Variants in POLH observed in about 807,000 individuals in gnomAD.
POLH encodes DNA polymerase eta.
Under a neutral mutation model 73.6 loss-of-function variants are expected in POLH, and 53 were observed. The ratio of observed to expected loss-of-function variants is 0.72; its 90% CI spans 0.58 to 0.91. POLH has a LOEUF of 0.91. POLH is among the 40% of genes least tolerant of loss of function. POLH has a pLI of 0.00. For missense variants in POLH, 768 were observed against 865.4 expected, an observed-to-expected ratio of 0.89 and a Z score of 1.41; for synonymous variants, 292 against 308.5, an observed-to-expected ratio of 0.95 and a Z score of 0.56.
chr6:43,597,928 C>T lies in POLH; in HGVS notation c.660+63C>T, dbSNP rs577721367. The stretch of plus-strand genomic sequence containing the variant: ...TATCCTTAGTCAAATACAGTAGGGA[C>T]AGTGGGACATTGAAATTATTACACA... On this transcript the variant is annotated intron_variant, in intron 5 of 10. Transcript: ENST00000372236. 49 of 1,388,238 alleles carry T rather than the reference C, an allele frequency of 3.5e-5. No individual in the cohort carries two copies. The South Asian group carries it at 5.4e-4, about 15-fold the overall frequency. The allele number at this position is 1,388,238 out of a possible 1,614,324, so 86.0% of individuals were successfully genotyped here. A position where few individuals can be genotyped will look rare whatever the true frequency, so the allele number is the denominator to read the frequency against.
chr6:43,592,616 C>T (rs761774212), intron 4 of POLH, among the ~76,000 whole-genome samples: 13 of 152,016 alleles, frequency 8.6e-5, no homozygotes, highest in Admixed American at 2.0e-4. Flanking sequence ...GGGGTTTCAC[C>T]GTGTTAGCCA....
chr6:43,605,817 A>C (rs1314040906), intron 9 of POLH, among the ~76,000 whole-genome samples: 3 of 151,942 alleles, frequency 2.0e-5, no homozygotes, highest in Admixed American at 6.6e-5. Context: ...CTCTGGGTTC[A>C]AGTGATTCTC....
In POLH at chr6:43,613,777, G is replaced by A; in HGVS notation, c.1362G>A (p.Val454=). 6.2e-7 allele frequency: 1 copy of A among 1,613,832 alleles called. No individual in the cohort carries two copies. Among genetic ancestry groups the A allele is most frequent in the East Asian group, 2.2e-5 (1 of 44,886 alleles). The part of the protein sequence containing the change: ...LSSDPSSLPK[V]PVTSSEAKTQ... ...GTGACCCAAGTTCTCTGCCAAAGGT[G>A]CCAGTTACCAGCTCAGAAGCTAAGA... The change falls in exon 11 of 11, where the codon GTG becomes GTA. Residue 454 remains valine, a synonymous_variant. Transcript: ENST00000372236.
At position 43,617,651 on chromosome 6, in the gene POLH, C is replaced by T. The variant is rs1211265258; in HGVS notation, c.*3094C>T. On this transcript the variant is annotated 3_prime_UTR_variant, in exon 11 of 11. Coordinates refer to ENST00000372236, the MANE Select transcript of POLH (RefSeq NM_006502.3). ...AAAAAAAAAAATTCCCAATGTGGGC[C>T]GGGTGCAGTGGCTCATGCCTGTAAT... Among the ~76,000 whole-genome samples, 4 of 151,752 alleles carry T rather than the reference C, an allele frequency of 2.6e-5. No homozygotes were observed. Among genetic ancestry groups the T allele is most frequent in the African/African-American group, 9.7e-5 (4 of 41,316 alleles).
chr6:43,611,610 TGA>T (rs1050839361), intron 10 of POLH, among the ~76,000 whole-genome samples: 3 of 152,154 alleles, frequency 2.0e-5, no homozygotes, highest in South Asian at 2.1e-4. Context: ...AATATAATTA[TGA>T]GAGAGAGGTA....
chr6:43,604,078 C>A, intron 7 of POLH, 67 bp downstream of exon 7: 1 of 1,302,512 alleles, frequency 7.7e-7, no homozygotes, highest in Non-Finnish European at 1.1e-6. Context: ...ATAGACAAAA[C>A]CATCTAGTAA....
chr6:43,581,560 G>T (rs1385021792), intron 1 of POLH, among the ~76,000 whole-genome samples: 5 of 150,530 alleles, frequency 3.3e-5, no homozygotes, highest in Non-Finnish European at 5.9e-5. Flanking sequence ...CCTTGCCCTC[G>T]GGCCCGCGGG....
chr6:43,619,577 G>C lies in POLH; in HGVS notation c.*5020G>C, dbSNP rs1326871134. Among the ~76,000 whole-genome samples, 1 of 151,928 alleles carries C rather than the reference G, an allele frequency of 6.6e-6. No homozygotes were observed. Among genetic ancestry groups the C allele is most frequent in the Admixed American group, 6.6e-5 (1 of 15,244 alleles). On this transcript the variant is annotated 3_prime_UTR_variant, in exon 11 of 11. Coordinates refer to ENST00000372236, the MANE Select transcript of POLH (RefSeq NM_006502.3). ...ATCATAAACATGTATAAACTCCTTGGGAGTCTGCCTTATATACTTTTTATC... is the reference window on the plus strand; with the variant it reads ...ATCATAAACATGTATAAACTCCTTGCGAGTCTGCCTTATATACTTTTTATC...
intron 4 of POLH, among the ~76,000 whole-genome samples, chr6:43,591,962 C>A (rs975819661): frequency 5.3e-5 from 8 of 152,120 alleles, no homozygotes; most frequent in Admixed American, 4.6e-4. Context: ...GGACGTGTTC[C>A]TCTTTCTTCT....
rs1391759963 is a variant in POLH at position 43,617,311 on chromosome 6, T to C, written c.*2754T>C. On this transcript the variant is annotated 3_prime_UTR_variant, in exon 11 of 11. Transcript: ENST00000372236. ...CAGCCTCACCACTATTCCCACTTAATTGTAATCTGATATTAACAAGATTTC... is the reference window on the plus strand; with the variant it reads ...CAGCCTCACCACTATTCCCACTTAACTGTAATCTGATATTAACAAGATTTC... Among the ~76,000 whole-genome samples the C allele has an allele frequency of 1.3e-5, 2 of 152,174 alleles. No individual in the cohort carries two copies. The highest frequency in any genetic ancestry group is 1.5e-5 in the Non-Finnish European group (1 of 68,034).
chr6:43,578,707 A>G (rs1763676334), intron 1 of POLH, among the ~76,000 whole-genome samples: 1 of 152,128 alleles, frequency 6.6e-6, no homozygotes, highest in Non-Finnish European at 1.5e-5. Flanking sequence ...CATTTTTGCG[A>G]TTTTCTGTAA....
chr6:43,588,006 C>G (rs1765017123), intron 4 of POLH, among the ~76,000 whole-genome samples: 1 of 152,164 alleles, frequency 6.6e-6, no homozygotes, highest in South Asian at 2.1e-4. Flanking sequence ...GCACTCCAGC[C>G]TAGGCTACAG....
chr6:43,610,048 T>G (rs1370303638), intron 9 of POLH, among the ~76,000 whole-genome samples: 1 of 150,652 alleles, frequency 6.6e-6, no homozygotes, highest in African/African-American at 2.4e-5. Flanking sequence ...GTTGCATATA[T>G]ATAGATTCTT....
intron 3 of POLH, among the ~76,000 whole-genome samples, chr6:43,586,509 T>C (rs1764836014): frequency 6.6e-6 from 1 of 152,056 alleles, no homozygotes; most frequent in African/African-American, 2.4e-5. Context: ...AGAAAATATC[T>C]GTATATTGTC....
intron 3 of POLH, among the ~76,000 whole-genome samples, chr6:43,586,852 A>G (rs1053466516): frequency 1.3e-5 from 2 of 152,228 alleles, no homozygotes; most frequent in Non-Finnish European, 1.5e-5. Context: ...TGATCAGTGC[A>G]GTGTTGCATG....
intron 6 of POLH, among the ~76,000 whole-genome samples, chr6:43,602,181 C>T (rs1393793402): frequency 6.6e-6 from 1 of 152,184 alleles, no homozygotes; most frequent in Non-Finnish European, 1.5e-5. Flanking sequence ...TTTCTTTCCT[C>T]TAATAGCATA....
chr6:43,605,443 CTTTTTTTTT>C (rs540143863), intron 9 of POLH, 124 bp downstream of exon 9: 8 of 296,252 alleles, frequency 2.7e-5, no homozygotes, highest in Admixed American at 5.5e-5. Flanking sequence ...CGTTTTCTTT[CTTTTTTTTT>C]TTTTTTTTTT....
chr6:43,578,366 A>G (rs1763622081), intron 1 of POLH: 3 of 426,314 alleles, frequency 7.0e-6, no homozygotes, highest in African/African-American at 2.1e-5. Flanking sequence ...CAGCCTGCGC[A>G]ACGAGAACGA....
At chr6:43,601,145 T>C (rs1766692433) in intron 6 of POLH, 54 bp downstream of exon 6, 1 of 1,254,172 alleles carries the variant, frequency 8.0e-7, no homozygotes, top group Non-Finnish European at 1.2e-6. Context: ...GTAGAAACTC[T>C]CTGGTTGTAG....
Sources: gnomAD v4.1 joint callset for allele counts (sites outside exome capture counted in the v4.1 genomes callset) on GRCh38, gnomAD v4.1.1 for gene constraint, MANE v1.5 for transcripts, NCBI Gene and HGNC (gene_info 2026-07-23, HGNC 2026-07-21) for gene names.